The following MCM6 variants were observed in gnomAD, a reference collection of about 807,000 sequenced individuals.
The protein encoded by MCM6 is minichromosome maintenance complex component 6.
MCM6 carries 46 observed loss-of-function variants against 94.3 expected under a neutral mutation model. The ratio of observed to expected loss-of-function variants is 0.49; its 90% CI spans 0.39 to 0.62. MCM6 has a LOEUF of 0.62. MCM6 is among the 20% of genes least tolerant of loss of function. The pLI, the probability that MCM6 is intolerant of heterozygous loss-of-function variation, is 0.00. For synonymous variants in MCM6, 335 were observed against 351.9 expected, an observed-to-expected ratio of 0.95 and a Z score of 0.54; for missense variants, 865 against 1,017.9, an observed-to-expected ratio of 0.85 and a Z score of 2.04.
Position 135,846,268 on chromosome 2 carries a change from A to C in MCM6, c.2178T>G (p.Leu726=). Residue 726 remains leucine, a synonymous_variant, in exon 15 of 17, where the codon CTT becomes CTG. Coordinates refer to ENST00000264156, the MANE Select transcript of MCM6 (RefSeq NM_005915.6). ...CCACCTTTCTGAGGTGAAGCACAATAAGGTTAGAGATTCGGCAGTACTCAG... is the reference window on the plus strand; with the variant it reads ...CCACCTTTCTGAGGTGAAGCACAATCAGGTTAGAGATTCGGCAGTACTCAG... ...GFSEYCRISN[L]IVLHLRKVEE... 6.2e-7 allele frequency: 1 copy of C among 1,614,100 alleles called. No individual in the cohort carries two copies. Among genetic ancestry groups the C allele is most frequent in the Admixed American group, 1.7e-5 (1 of 60,024 alleles).
At position 135,876,437 on chromosome 2, in the gene MCM6, G is replaced by C. The variant is rs1165786503; in HGVS notation, c.-72C>G. The C allele has an allele frequency of 4.6e-6, 6 of 1,304,640 alleles. No homozygotes were observed. In the African/African-American group the frequency reaches 6.1e-5, roughly 13 times the overall value. 80.8% of individuals were successfully genotyped at this position (1,304,640 alleles called of 1,614,324 possible). ...AAGTCGCTTTTTTCCAGACGCTGCA[G>C]CTTTGCGCGCGCCGCCGCCGCTTCC... On this transcript the variant is annotated 5_prime_UTR_variant, in exon 1 of 17. Coordinates refer to ENST00000264156, the MANE Select transcript of MCM6 (RefSeq NM_005915.6).
chr2:135,856,229 G>A (rs1457527159), intron 11 of MCM6, among the ~76,000 whole-genome samples: 2 of 152,134 alleles, frequency 1.3e-5, no homozygotes, highest in East Asian at 1.9e-4. Flanking sequence ...CATCACTGGA[G>A]GCCAGGAGTT....
chr2:135,856,525 C>G (rs1679895162), intron 11 of MCM6, among the ~76,000 whole-genome samples: 1 of 152,178 alleles, frequency 6.6e-6, no homozygotes, highest in Admixed American at 6.5e-5. Context: ...AAACTTAATT[C>G]TTGAACACAA....
intron 3 of MCM6, 113 bp from the exon 4 acceptor site, chr2:135,868,973 GACAA>G (rs1680152054): frequency 1.9e-6 from 2 of 1,038,050 alleles, no homozygotes; most frequent in Admixed American, 4.9e-5. Flanking sequence ...AAATTCAAGA[GACAA>G]GGTATTCTTT....
At chr2:135,853,189 G>C (rs1234193682) in intron 11 of MCM6, among the ~76,000 whole-genome samples, 1 of 152,196 alleles carries the variant, frequency 6.6e-6, no homozygotes, top group Non-Finnish European at 1.5e-5. Context: ...GCTCACACTT[G>C]TAATCCCAAC....
At chr2:135,854,162 G>A (rs1023855706) in intron 11 of MCM6, among the ~76,000 whole-genome samples, 7 of 152,284 alleles carry the variant, frequency 4.6e-5, no homozygotes, top group Middle Eastern at 3.4e-3. Context: ...AGGAGGCAGA[G>A]GTTGCAGTGA....
rs1387986751 is a variant in MCM6, at chr2:135,870,271, T to C, written c.345A>G (p.Gln115=). The change falls in exon 3 of 17, where the codon CAA becomes CAG. Residue 115 remains glutamine, a synonymous_variant. Transcript: ENST00000264156. ...PLAKDFYVAF[Q]DLPTRHKIRE... ...CTTACTTGTGTCTGGTAGGCAGGTC[T>C]TGGAATGCAACATAAAAATCCTTGG... 7 of 1,613,526 alleles carry C rather than the reference T, an allele frequency of 4.3e-6. No individual in the cohort carries two copies. The highest frequency in any genetic ancestry group is 5.9e-6 in the Non-Finnish European group (7 of 1,179,548).
At chr2:135,868,560 T>C in intron 4 of MCM6, 51 bp downstream of exon 4, 2 of 1,583,770 alleles carry the variant, frequency 1.3e-6, no homozygotes, top group Non-Finnish European at 8.7e-7. Flanking sequence ...GGCCTAGAAG[T>C]GAATTATTAT....
chr2:135,857,848 T>C (rs536780615), intron 10 of MCM6, 49 bp downstream of exon 10: 3 of 1,483,816 alleles, frequency 2.0e-6, no homozygotes, highest in East Asian at 2.3e-5. Context: ...ACTACATTAA[T>C]CAACAAGGCT....
chr2:135,855,134 C>A (rs1679848704), intron 11 of MCM6, among the ~76,000 whole-genome samples: 1 of 152,118 alleles, frequency 6.6e-6, no homozygotes, highest in African/African-American at 2.4e-5. Flanking sequence ...CCAGTCTGGG[C>A]AACAGAGTGA....
intron 7 of MCM6, among the ~76,000 whole-genome samples, chr2:135,863,229 T>C (rs192632754): frequency 3.0e-4 from 46 of 152,356 alleles, no homozygotes; most frequent in Admixed American, 2.7e-3. Context: ...ACTGAATTCA[T>C]GTGGATTAAA....
At chr2:135,875,334 G>A (rs1680274733) in intron 1 of MCM6, among the ~76,000 whole-genome samples, 1 of 151,950 alleles carries the variant, frequency 6.6e-6, no homozygotes, top group Admixed American at 6.6e-5. Context: ...ACTGCACTCC[G>A]GCCTGGGCAA....
rs781492547 is a variant in MCM6 at position 135,866,235 on chromosome 2, C to T, written c.824G>A (p.Gly275Glu). 2 of 1,614,160 alleles carry T rather than the reference C, an allele frequency of 1.2e-6. No individual in the cohort carries two copies. The highest frequency in any genetic ancestry group is 1.7e-6 in the Non-Finnish European group (2 of 1,179,990). Reference protein sequence around the residue: ...ETNSRVSGVDGYETEGIRGLR... With the variant: ...ETNSRVSGVDEYETEGIRGLR... Reference sequence around the variant, plus strand: ...TCCTCGAATGCCTTCTGTCTCATATCCATCAACACCACTGACACGGGAATT... The same window carrying T: ...TCCTCGAATGCCTTCTGTCTCATATTCATCAACACCACTGACACGGGAATT... Residue 275 changes from glycine to glutamate, a missense_variant, in exon 6 of 17, where the codon GGA becomes GAA. This residue lies in a region of MCM6 where 404 missense variants were observed against 451.9 expected (regional missense o/e 0.89). Transcript: ENST00000264156.
intron 3 of MCM6, 95 bp from the exon 4 acceptor site, chr2:135,868,955 T>A (rs1680151677): frequency 6.6e-6 from 8 of 1,204,600 alleles, no homozygotes; most frequent in Admixed American, 2.4e-5. Context: ...AATTTATGTT[T>A]AAAAAAAAAA....
chr2:135,859,359 C>G lies in MCM6; in HGVS notation c.1304G>C (p.Arg435Thr). ...GACAAACTCATGAGATTCTTCATCT[C>G]TCACAACAGCTGCTGTTAAGCCAGC... ...SAAGLTAAVV[R>T]DEESHEFVIE... is the part of the protein sequence containing the mutation. The change falls in exon 9 of 17, where the codon AGA (arginine) becomes ACA (threonine). Residue 435 changes from arginine to threonine, a missense_variant. Physicochemically the swap from Arg to Thr is moderately conservative, Grantham distance 71. This residue lies in a region of MCM6 where 153 missense variants were observed against 241.5 expected (regional missense o/e 0.63). Transcript: ENST00000264156. 3 of 1,613,700 alleles carry G rather than the reference C, an allele frequency of 1.9e-6. No individual in the cohort carries two copies. The highest frequency in any genetic ancestry group is 2.5e-6 in the Non-Finnish European group (3 of 1,179,586).
At position 135,868,697 on chromosome 2, in the gene MCM6, G is replaced by T. The variant is rs1352882203; in HGVS notation, c.529C>A (p.Pro177Thr). 2 of 1,614,128 alleles carry T rather than the reference G, an allele frequency of 1.2e-6. No individual in the cohort carries two copies. Among genetic ancestry groups the T allele is most frequent in the Non-Finnish European group, 1.7e-6 (2 of 1,179,996 alleles). Residue 177 changes from proline to threonine, a missense_variant, in exon 4 of 17, where the codon CCA becomes ACA. By Grantham distance (38) the Pro-to-Thr change is conservative. Transcript: ENST00000264156. ...CAAACTGGATTTCGGCAGATGTTTG[G>T]CTGTGTGTATTTGAACTGCTGTTCT... ...DVEQQFKYTQ[P>T]NICRNPVCAN...
chr2:135,844,402 T>A, intron 16 of MCM6, 143 bp downstream of exon 16: 1 of 589,826 alleles, frequency 1.7e-6, no homozygotes, highest in Non-Finnish European at 2.6e-6. Context: ...CATTCTCTCT[T>A]ATTTTACAAC....
chr2:135,861,212 A>T (rs750118727), intron 8 of MCM6, among the ~76,000 whole-genome samples: 1 of 152,210 alleles, frequency 6.6e-6, no homozygotes, highest in Non-Finnish European at 1.5e-5. Flanking sequence ...AAATTTCCAA[A>T]ACAAAGAAAA....
intron 12 of MCM6, chr2:135,851,979 T>C (rs1679786179): frequency 6.5e-6 from 1 of 154,976 alleles, no homozygotes; most frequent in Non-Finnish European, 1.4e-5. Context: ...AAACTTTATA[T>C]CTAAAGGATC....
Sources: allele counts gnomAD v4.1 joint callset (sites outside exome capture counted in the v4.1 genomes callset), GRCh38; gene constraint gnomAD v4.1.1; regional missense constraint gnomAD v4.1.1; transcripts MANE v1.5; gene names NCBI Gene and HGNC (gene_info 2026-07-23, HGNC 2026-07-21).